KANK1: variants seen among roughly 807,000 people sequenced by gnomAD.
KANK1 encodes KN motif and ankyrin repeat domains 1, also known as KN motif and ankyrin repeat domain-containing protein 1.
KANK1 carries 109 observed loss-of-function variants against 106.2 expected under a neutral mutation model. The ratio of observed to expected loss-of-function variants is 1.03; its 90% CI spans 0.88 to 1.20. The LOEUF (loss-of-function observed/expected upper bound fraction) is 1.20. KANK1 is among the 50% of genes most tolerant of loss of function. The pLI, the probability that KANK1 is intolerant of heterozygous loss-of-function variation, is 0.00. For synonymous variants in KANK1, 873 were observed against 652.2 expected (o/e 1.34, Z -5.16); for missense variants, 2,399 against 1,710.7 (o/e 1.40, Z -7.10).
chr9:519,952 GTTA>G (rs2059470177), intron 1 of KANK1, among the ~76,000 whole-genome samples: 2 of 151,870 alleles, frequency 1.3e-5, no homozygotes, highest in South Asian at 2.1e-4. Flanking sequence ...TATTAGTCTA[GTTA>G]TGCTCAGTGA....
intron 1 of KANK1, among the ~76,000 whole-genome samples, chr9:644,911 A>T (rs1341321121): frequency 2.6e-5 from 4 of 150,960 alleles, no homozygotes; most frequent in Non-Finnish European, 1.5e-5. Context: ...GCCTGAGCTC[A>T]GGAGTTCAAG....
chr9:543,414 C>A (rs529536704), intron 1 of KANK1, among the ~76,000 whole-genome samples: 1 of 151,878 alleles, frequency 6.6e-6, no homozygotes, highest in Non-Finnish European at 1.5e-5. Context: ...AAAAAAATAG[C>A]TGTGCATGGT....
chr9:659,053 T>G (rs56036818), intron 1 of KANK1, among the ~76,000 whole-genome samples: 24,001 of 152,208 alleles, frequency 0.16, 2,082 homozygotes, highest in Admixed American at 0.18. Flanking sequence ...GTTTATAACT[T>G]TTTTTGTTTG....
chr9:684,704 T>A, intron 2 of KANK1: 1 of 412,308 alleles, frequency 2.4e-6, no homozygotes, highest in Non-Finnish European at 3.2e-6. Flanking sequence ...TTCCTGTGTC[T>A]GGGATAATTT....
At chr9:576,105 T>C (rs933130428) in intron 1 of KANK1, among the ~76,000 whole-genome samples, 2 of 152,212 alleles carry the variant, frequency 1.3e-5, no homozygotes, top group South Asian at 2.1e-4. Context: ...TGGGAACTTA[T>C]TAGAAATTTT....
At chr9:632,305 A>G (rs951958696) in intron 1 of KANK1, among the ~76,000 whole-genome samples, 4 of 152,326 alleles carry the variant, frequency 2.6e-5, no homozygotes, top group South Asian at 2.1e-4. Context: ...CATCTACAGC[A>G]TGTAATTATT....
At chr9:589,853 T>C (rs539199607) in intron 1 of KANK1, among the ~76,000 whole-genome samples, 1 of 152,150 alleles carries the variant, frequency 6.6e-6, no homozygotes, top group Non-Finnish European at 1.5e-5. Flanking sequence ...GAATTAGAAA[T>C]GCCTGCCAGA....
intron 1 of KANK1, among the ~76,000 whole-genome samples, chr9:627,702 G>A (rs1244472920): frequency 6.6e-6 from 1 of 152,168 alleles, no homozygotes; most frequent in Non-Finnish European, 1.5e-5. Flanking sequence ...TGAGTTTCAG[G>A]GGGACCAGAG....
At chr9:701,323 C>T (rs952108566) in intron 2 of KANK1, among the ~76,000 whole-genome samples, 5 of 152,122 alleles carry the variant, frequency 3.3e-5, no homozygotes, top group Admixed American at 2.0e-4. Flanking sequence ...ATGTTGGTCT[C>T]GAACTCCCCA....
intron 1 of KANK1, among the ~76,000 whole-genome samples, chr9:646,836 G>C (rs144919199): frequency 4.0e-5 from 6 of 149,064 alleles, no homozygotes; most frequent in Non-Finnish European, 7.4e-5. Flanking sequence ...TGGGACTACA[G>C]GTGCATGCCA....
chr9:735,900 C>T (rs4742317), intron 7 of KANK1: 43,276 of 242,028 alleles, frequency 0.18, 4,434 homozygotes, highest in Admixed American at 0.28. Context: ...GAGTCTGAGG[C>T]TGGAGAATTG....
chr9:681,157 T>G (rs560107609), intron 2 of KANK1: 1 of 152,604 alleles, frequency 6.6e-6, no homozygotes, highest in East Asian at 1.9e-4. Flanking sequence ...AGTCTGAGGC[T>G]GCAGTGAGTT....
intron 3 of KANK1, among the ~76,000 whole-genome samples, chr9:729,097 C>T (rs150828472): frequency 6.6e-6 from 1 of 152,302 alleles, no homozygotes; most frequent in Non-Finnish European, 1.5e-5. Context: ...TTTTCATTGA[C>T]ATATCTGTAT....
At chr9:671,575 C>A (rs1381556369) in intron 1 of KANK1, among the ~76,000 whole-genome samples, 21 of 122,718 alleles carry the variant, frequency 1.7e-4, no homozygotes, top group Admixed American at 1.2e-3. Context: ...GAGATGGCGC[C>A]ACTGTGCTCC....
chr9:711,590 A>G lies in KANK1; in HGVS notation c.824A>G (p.Lys275Arg), dbSNP rs866162439. Residue 275 changes from lysine to arginine, a missense_variant, in exon 3 of 12, where the codon AAG (lysine) becomes AGG (arginine). Lys to Arg is a conservative substitution (Grantham distance 26). Coordinates refer to ENST00000382297, the MANE Select transcript of KANK1 (RefSeq NM_015158.5). ...ATGGCCATTGCTCTGAAACGCCTGA[A>G]GGAGCTGGAGGAGCAGGTGCGAACC... ...EQMAIALKRL[K>R]ELEEQVRTIP... The G allele has an allele frequency of 6.2e-7, 1 of 1,614,154 alleles. No homozygotes were observed. The highest frequency in any genetic ancestry group is 1.3e-5 in the African/African-American group (1 of 75,042).
chr9:509,894 C>G (rs867273509), intron 1 of KANK1, among the ~76,000 whole-genome samples: 16 of 152,006 alleles, frequency 1.1e-4, no homozygotes, highest in Non-Finnish European at 7.4e-5. Context: ...ACTGCTGGGC[C>G]CAAGCAATCC....
intron 1 of KANK1, among the ~76,000 whole-genome samples, chr9:580,394 C>G (rs1276217384): frequency 6.6e-6 from 1 of 152,212 alleles, no homozygotes; most frequent in Non-Finnish European, 1.5e-5. Flanking sequence ...GGGACCTGAG[C>G]AGGTTGCCAC....
chr9:667,145 G>A (rs917496286), intron 1 of KANK1, among the ~76,000 whole-genome samples: 1 of 151,450 alleles, frequency 6.6e-6, no homozygotes, highest in Non-Finnish European at 1.5e-5. Flanking sequence ...GTTTGTCGAG[G>A]TTTTCTCTTT....
At chr9:552,715 G>C (rs575373571) in intron 1 of KANK1, among the ~76,000 whole-genome samples, 63 of 152,238 alleles carry the variant, frequency 4.1e-4, no homozygotes, top group African/African-American at 1.4e-3. Context: ...TTTTCCCTGT[G>C]ACAATTTAGG....
Sources: gnomAD v4.1 joint callset for allele counts (sites outside exome capture counted in the v4.1 genomes callset) on GRCh38, gnomAD v4.1.1 for gene constraint, MANE v1.5 for transcripts, NCBI Gene and HGNC (gene_info 2026-07-23, HGNC 2026-07-21) for gene names.